Variants in ABCD3 observed in about 807,000 individuals in gnomAD.
ABCD3 encodes the protein ATP binding cassette subfamily D member 3.
ABCD3 carries 41 observed loss-of-function variants against 105.5 expected under a neutral mutation model. That is an observed-to-expected ratio of 0.39 (90% CI 0.30 to 0.50). ABCD3 has a LOEUF of 0.50. Among genes scored for constraint, ABCD3 ranks in the 20% least tolerant of loss-of-function variants. ABCD3 has a pLI of 0.84. For missense variants in ABCD3, 622 were observed against 806.3 expected, an observed-to-expected ratio of 0.77 and a Z score of 2.77; for synonymous variants, 258 against 269.0, an observed-to-expected ratio of 0.96 and a Z score of 0.40.
Position 94,498,847 on chromosome 1 carries a change from A to G in ABCD3, c.1529A>G (p.Gln510Arg). The change falls in exon 18 of 23, where the codon CAG becomes CGG. Residue 510 changes from glutamine to arginine, a missense_variant and splice_region_variant. Coordinates refer to ENST00000370214, the MANE Select transcript of ABCD3 (RefSeq NM_002858.4). ...AGAGGAAAATTATTTTATGTTCCTC[A>G]GGTAAGACCTAGCTTGAGTTATCTT... ...PERGKLFYVP[Q>R]RPYMTLGTLR... The G allele has an allele frequency of 6.2e-7, 1 of 1,613,518 alleles. No individual in the cohort carries two copies. The highest frequency in any genetic ancestry group is 8.5e-7 in the Non-Finnish European group (1 of 1,179,554).
intron 1 of ABCD3, among the ~76,000 whole-genome samples, chr1:94,450,169 G>A (rs374537673): frequency 2.6e-5 from 4 of 152,218 alleles, no homozygotes; most frequent in African/African-American, 9.6e-5. Context: ...TGATTTCACT[G>A]ATGATTATGC....
chr1:94,516,073 A>T (rs1472483001), intron 22 of ABCD3, among the ~76,000 whole-genome samples: 1 of 151,992 alleles, frequency 6.6e-6, no homozygotes, highest in Non-Finnish European at 1.5e-5. Flanking sequence ...GATGCAAATT[A>T]ATTACAGTTT....
At chr1:94,430,065 A>G (rs913626765) in intron 1 of ABCD3, among the ~76,000 whole-genome samples, 8 of 152,258 alleles carry the variant, frequency 5.3e-5, no homozygotes, top group Non-Finnish European at 7.3e-5. Flanking sequence ...TATGTGAGAC[A>G]TGGAGTCAGA....
At chr1:94,414,486 G>A (rs1322554202), upstream of ABCD3, among the ~76,000 whole-genome samples, 1 of 151,960 alleles carries the variant, frequency 6.6e-6, no homozygotes, top group African/African-American at 2.4e-5. Context: ...TGGTCCCTCT[G>A]CTTGATGGTT....
chr1:94,399,013 A>G, the ABCD3 span, among the ~76,000 whole-genome samples: 32 of 152,196 alleles, frequency 2.1e-4, no homozygotes, highest in Middle Eastern at 3.4e-3. Flanking sequence ...CAAAACTTGG[A>G]TATAGTACAT....
rs192874805 is a variant in ABCD3, at chr1:94,455,348, C to T, written c.111-3259C>T. The stretch of plus-strand genomic sequence containing the variant: ...GAATTTTTTTTTTTTTTTTTGAGAC[C>T]GAGTTTTGCTCTTATTGCCCAGGCT... On this transcript the variant is annotated intron_variant, in intron 1 of 22. Transcript: ENST00000370214. Among the ~76,000 whole-genome samples, 1,012 of 148,832 alleles carry T rather than the reference C, an allele frequency of 6.8e-3. 9 individuals carry two copies. The highest frequency in any genetic ancestry group is 8.4e-3 in the Non-Finnish European group (565 of 67,404).
rs143630514 is a variant in ABCD3 at position 94,458,567 on chromosome 1, A to G, written c.111-40A>G. The G allele has an allele frequency of 4.2e-5, 66 of 1,574,628 alleles. No individual in the cohort carries two copies. The African/African-American group carries it at 8.5e-4, about 20-fold the overall frequency. ...AATCATCTTAATGATAACACTTTTC[A>G]CATAAAGTAAAGCTCTCTCTCTCTT... On this transcript the variant is annotated intron_variant, in intron 1 of 22. Transcript: ENST00000370214.
chr1:94,401,180 C>T, the ABCD3 span, among the ~76,000 whole-genome samples: 37 of 152,240 alleles, frequency 2.4e-4, no homozygotes, highest in African/African-American at 4.6e-4. Flanking sequence ...CAGCCAAAAA[C>T]GGATTAAGAA....
At chr1:94,410,168 A>G in the ABCD3 span, among the ~76,000 whole-genome samples, 2 of 152,190 alleles carry the variant, frequency 1.3e-5, no homozygotes, top group Non-Finnish European at 2.9e-5. Context: ...ATATAAATAT[A>G]AAACTAATGC....
chr1:94,391,140 GGGC>G, the ABCD3 span, among the ~76,000 whole-genome samples: 1 of 152,120 alleles, frequency 6.6e-6, no homozygotes, highest in Non-Finnish European at 1.5e-5. Context: ...TTCAATGAGT[GGGC>G]TCCAGGTCTG....
rs140133925 is a variant in ABCD3 at position 94,430,504 on chromosome 1, T to C, written c.110+11916T>C. Among the ~76,000 whole-genome samples the C allele has an allele frequency of 3.7e-3, 556 of 152,206 alleles. 1 individual carries two copies. Among genetic ancestry groups the C allele is most frequent in the African/African-American group, 0.013 (529 of 41,518 alleles). ...GCAGGTCTTTCCTGTGCTGTTCTAG[T>C]GATAGTGAATAAGTCTCATGCGATC... On this transcript the variant is annotated intron_variant, in intron 1 of 22. Coordinates refer to ENST00000370214, the MANE Select transcript of ABCD3 (RefSeq NM_002858.4).
chr1:94,482,205 T>G (rs1426102128), intron 9 of ABCD3: 3 of 152,182 alleles, frequency 2.0e-5, no homozygotes, highest in South Asian at 2.1e-4. Flanking sequence ...AAGGAAACCA[T>G]GAAACGCGTG....
chr1:94,418,834 G>T (rs1659133962), intron 1 of ABCD3: 1 of 548,484 alleles, frequency 1.8e-6, no homozygotes, highest in Non-Finnish European at 3.2e-6. Context: ...CTGTGCCCGC[G>T]GGCGAACCGG....
intron 4 of ABCD3, among the ~76,000 whole-genome samples, chr1:94,469,244 G>C (rs1384861521): frequency 6.6e-6 from 1 of 152,064 alleles, no homozygotes; most frequent in Non-Finnish European, 1.5e-5. Flanking sequence ...TTTCAAGAGT[G>C]TAAGTGTTCA....
chr1:94,447,076 A>G (rs1284805275), intron 1 of ABCD3, among the ~76,000 whole-genome samples: 1 of 152,234 alleles, frequency 6.6e-6, no homozygotes, highest in East Asian at 1.9e-4. Context: ...AAGGTTTAGG[A>G]TATCATTTTT....
At chr1:94,406,167 TA>T in the ABCD3 span, among the ~76,000 whole-genome samples, 99 of 146,134 alleles carry the variant, frequency 6.8e-4, no homozygotes, top group African/African-American at 1.7e-3. Flanking sequence ...CACCATTTAT[TA>T]AAAAAAAAAA....
the ABCD3 span, among the ~76,000 whole-genome samples, chr1:94,399,365 G>T: frequency 6.6e-6 from 1 of 152,212 alleles, no homozygotes; most frequent in African/African-American, 2.4e-5. Flanking sequence ...TCCCTCAGTG[G>T]TGTTCACATG....
At chr1:94,475,540 A>T in intron 6 of ABCD3, 74 bp from the exon 7 acceptor site, 1 of 1,468,812 alleles carries the variant, frequency 6.8e-7, no homozygotes, top group Non-Finnish European at 9.5e-7. Flanking sequence ...TAGGTGGTGT[A>T]ATATGATTTT....
At chr1:94,389,521 C>T in the ABCD3 span, among the ~76,000 whole-genome samples, 2 of 152,208 alleles carry the variant, frequency 1.3e-5, no homozygotes, top group African/African-American at 4.8e-5. Flanking sequence ...CCCTTTGTTT[C>T]GGCCCATCCC....
Sources: gnomAD v4.1 joint callset for allele counts (sites outside exome capture counted in the v4.1 genomes callset) on GRCh38, gnomAD v4.1.1 for gene constraint, MANE v1.5 for transcripts, NCBI Gene and HGNC (gene_info 2026-07-23, HGNC 2026-07-21) for gene names.